CEACAM7: variants seen among roughly 807,000 people sequenced by gnomAD.
CEACAM7 encodes cell adhesion molecule CEACAM7.
A neutral mutation model predicts 25.7 loss-of-function variants in CEACAM7; 24 were observed. The ratio of observed to expected loss-of-function variants is 0.93; its 90% CI spans 0.68 to 1.31. CEACAM7 has a LOEUF of 1.31. CEACAM7 is among the 40% of genes most tolerant of loss of function. CEACAM7 has a pLI of 0.00. For missense variants in CEACAM7, 324 were observed against 330.1 expected, an observed-to-expected ratio of 0.98 and a Z score of 0.14; for synonymous variants, 144 against 129.4, an observed-to-expected ratio of 1.11 and a Z score of -0.77.
intron 1 of CEACAM7, 101 bp from the exon 2 acceptor site, chr19:41,687,322 T>G: frequency 8.3e-7 from 1 of 1,202,424 alleles, no homozygotes; most frequent in Non-Finnish European, 1.1e-6. Context: ...CACCCCCATC[T>G]TGAAGTAAGT....
chr19:41,682,914 A>T (rs1555810815), intron 3 of CEACAM7, among the ~76,000 whole-genome samples: 1 of 152,094 alleles, frequency 6.6e-6, no homozygotes, highest in African/African-American at 2.4e-5. Context: ...GGGCTGAGGG[A>T]GCCCCCTCCC....
At chr19:41,679,111 T>G (rs782340270) in intron 3 of CEACAM7, among the ~76,000 whole-genome samples, 1 of 152,122 alleles carries the variant, frequency 6.6e-6, no homozygotes, top group Non-Finnish European at 1.5e-5. Context: ...ATTCAAAACC[T>G]TTAATTAGAT....
At chr19:41,675,660 T>C (rs1273116215) in intron 4 of CEACAM7, among the ~76,000 whole-genome samples, 1 of 152,202 alleles carries the variant, frequency 6.6e-6, no homozygotes, top group Non-Finnish European at 1.5e-5. Context: ...CAAGTGCTTT[T>C]AGAGAAGAAT....
At chr19:41,679,339 A>G (rs1555810427) in intron 3 of CEACAM7, among the ~76,000 whole-genome samples, 5 of 152,212 alleles carry the variant, frequency 3.3e-5, no homozygotes, top group Non-Finnish European at 1.5e-5. Context: ...ACTACTAGGG[A>G]GACTGAACCA....
At position 41,686,950 on chromosome 19, in the gene CEACAM7, G is replaced by A. The variant is rs534460117; in HGVS notation, c.336C>T (p.Asn112=). Residue 112 remains asparagine, a synonymous_variant, in exon 2 of 5, where the codon AAC becomes AAT. Transcript: ENST00000401731. ...AGATTCCTGCGTCATTGTGGGTGACGTTCTGGATCAGCAGGGTTCCATTGG... is the reference window on the plus strand; with the variant it reads ...AGATTCCTGCGTCATTGTGGGTGACATTCTGGATCAGCAGGGTTCCATTGG... ...IYPNGTLLIQ[N]VTHNDAGIYT... The A allele has an allele frequency of 1.4e-5, 22 of 1,607,156 alleles. 1 individual carries two copies. The African/African-American group carries it at 1.7e-4, about 13-fold the overall frequency.
chr19:41,678,211 C>A (rs1314257057), intron 3 of CEACAM7, among the ~76,000 whole-genome samples: 1 of 152,004 alleles, frequency 6.6e-6, no homozygotes, highest in Non-Finnish European at 1.5e-5. Flanking sequence ...AACTAACATA[C>A]TAGGCTTGAG....
At chr19:41,677,300 GA>G in intron 4 of CEACAM7, 75 bp downstream of exon 4, 1 of 752,566 alleles carries the variant, frequency 1.3e-6, no homozygotes, top group Non-Finnish European at 2.3e-6. Flanking sequence ...TACAGGTGAA[GA>G]AGTCCTTTCC....
At position 41,688,093 on chromosome 19, in the gene CEACAM7, T is replaced by C; in HGVS notation, c.64+9A>G. The C allele has an allele frequency of 6.2e-7, 1 of 1,607,406 alleles. No individual in the cohort carries two copies. Among genetic ancestry groups the C allele is most frequent in the Non-Finnish European group, 8.5e-7 (1 of 1,176,366 alleles). On this transcript the variant is annotated intron_variant, in intron 1 of 4. Coordinates refer to ENST00000401731, the MANE Select transcript of CEACAM7 (RefSeq NM_001291485.2). The stretch of plus-strand genomic sequence containing the variant: ...CCTCCCACCCACTCCCAGGAAGTCC[T>C]CCCCTCACCTGTGAGCAGGAGCCCC...
chr19:41,688,260 C>G lies in CEACAM7; in HGVS notation c.-95G>C. The G allele has an allele frequency of 2.0e-6, 3 of 1,512,612 alleles. No homozygotes were observed. In the South Asian group the frequency reaches 3.8e-5, roughly 19 times the overall value. The allele number at this position is 1,512,612 out of a possible 1,614,324, so 93.7% of individuals were successfully genotyped here. On this transcript the variant is annotated 5_prime_UTR_variant, in exon 1 of 5. Transcript: ENST00000401731. ...TGTGACTGTCAGCTCTGCTGTCCTT[C>G]CTACCTCTGTGCTGAGCCTCCTCCC...
intron 4 of CEACAM7, among the ~76,000 whole-genome samples, chr19:41,676,837 A>G (rs2072118608): frequency 6.6e-6 from 1 of 152,206 alleles, no homozygotes; most frequent in Non-Finnish European, 1.5e-5. Context: ...GGCAGGATGT[A>G]TAGGAAGACA....
chr19:41,685,922 C>T (rs782734550), intron 2 of CEACAM7, among the ~76,000 whole-genome samples: 11 of 152,168 alleles, frequency 7.2e-5, no homozygotes, highest in South Asian at 6.2e-4. Context: ...CTGTCCGGTC[C>T]GTGAGACCCT....
At chr19:41,679,716 A>G (rs1600430192) in intron 3 of CEACAM7, among the ~76,000 whole-genome samples, 1 of 152,246 alleles carries the variant, frequency 6.6e-6, no homozygotes, top group African/African-American at 2.4e-5. Flanking sequence ...GTATAACTGC[A>G]AGATACTAAA....
intron 4 of CEACAM7, 37 bp from the exon 5 acceptor site, chr19:41,674,776 A>C (rs1359723466): frequency 1.8e-5 from 3 of 168,474 alleles, no homozygotes; most frequent in African/African-American, 7.2e-5. Context: ...AACAAAATAC[A>C]GGGCTACAAT....
intron 3 of CEACAM7, among the ~76,000 whole-genome samples, chr19:41,678,176 T>C (rs1352614658): frequency 6.6e-6 from 1 of 152,098 alleles, no homozygotes; most frequent in African/African-American, 2.4e-5. Context: ...TCTAATCCCA[T>C]CTTGACTGCA....
intron 3 of CEACAM7, among the ~76,000 whole-genome samples, chr19:41,683,325 T>C (rs1336308199): frequency 6.6e-6 from 1 of 152,168 alleles, no homozygotes; most frequent in African/African-American, 2.4e-5. Context: ...GCCACATGGA[T>C]GAAGAGTCTA....
chr19:41,673,600 C>T lies in CEACAM7; in HGVS notation c.*1176G>A, dbSNP rs1244463489. 4 of 152,164 alleles carry T rather than the reference C, an allele frequency of 2.6e-5. No individual in the cohort carries two copies. The highest frequency in any genetic ancestry group is 5.9e-5 in the Non-Finnish European group (4 of 68,026). The allele number at this position is 152,164 out of a possible 1,614,324, so 9.4% of individuals were successfully genotyped here. A position where few individuals can be genotyped will look rare whatever the true frequency, so the allele number is the denominator to read the frequency against. ...AAAATTTTGTCTGTTCTGGGATCTA[C>T]CTGCTTCCTCATGTTTCAGTGTGAG... On this transcript the variant is annotated 3_prime_UTR_variant, in exon 5 of 5. Coordinates refer to ENST00000401731, the MANE Select transcript of CEACAM7 (RefSeq NM_001291485.2).
chr19:41,685,795 A>T (rs782054322), intron 2 of CEACAM7, among the ~76,000 whole-genome samples: 1 of 152,108 alleles, frequency 6.6e-6, no homozygotes, highest in Non-Finnish European at 1.5e-5. Context: ...ATTCAGTTCT[A>T]GGTAAAAACT....
At position 41,686,993 on chromosome 19, in the gene CEACAM7, C is replaced by A. The variant is rs1413987699; in HGVS notation, c.293G>T (p.Gly98Val). 6.2e-7 allele frequency: 1 copy of A among 1,613,396 alleles called. No homozygotes were observed. Among genetic ancestry groups the A allele is most frequent in the African/African-American group, 1.3e-5 (1 of 74,926 alleles). ...TCCATTGGGGTATATTGTCTCTCGA[C>A]CGTTGTGTGCGGGCCCTGGGGCATT... The part of the protein sequence containing the change: ...QENAPGPAHN[G>V]RETIYPNGTL... Residue 98 changes from glycine to valine, a missense_variant, in exon 2 of 5, where the codon GGT (glycine) becomes GTT (valine). By Grantham distance (109) the Gly-to-Val change is moderately radical. Transcript: ENST00000401731.
In CEACAM7 at chr19:41,687,112, C is replaced by T. The variant is rs201194914; in HGVS notation, c.174G>A (p.Glu58=). The T allele has an allele frequency of 1.2e-6, 2 of 1,614,054 alleles. No homozygotes were observed. The highest frequency in any genetic ancestry group is 4.5e-5 in the East Asian group (2 of 44,882). The part of the protein sequence containing the change: ...GKEVLLVVHN[E]SQNLYGYNWY... Reference sequence around the variant, plus strand: ...AGTTGTAGCCATAAAGATTCTGGGACTCATTATGGACTACTAGAAGGACCT... The same window carrying T: ...AGTTGTAGCCATAAAGATTCTGGGATTCATTATGGACTACTAGAAGGACCT... The change falls in exon 2 of 5, where the codon GAG becomes GAA. Residue 58 remains glutamate, a synonymous_variant. Transcript: ENST00000401731.
Sources: gnomAD v4.1 joint callset for allele counts (sites outside exome capture counted in the v4.1 genomes callset) on GRCh38, gnomAD v4.1.1 for gene constraint, MANE v1.5 for transcripts, NCBI Gene and HGNC (gene_info 2026-07-23, HGNC 2026-07-21) for gene names.